Variants in PROS1 observed in about 807,000 individuals in gnomAD.
The protein encoded by PROS1 is vitamin K-dependent protein S.
A neutral mutation model predicts 75.9 loss-of-function variants in PROS1; 29 were observed. That is an observed-to-expected ratio of 0.38 (90% CI 0.28 to 0.52). PROS1 has a LOEUF of 0.52. Among genes scored for constraint, PROS1 ranks in the 20% least tolerant of loss-of-function variants. The probability of loss-of-function intolerance (pLI) is 0.83; values close to 1 mark genes in which losing one functional copy is unlikely to be tolerated. For synonymous variants in PROS1, 245 were observed against 280.6 expected (o/e 0.87, Z 1.27); for missense variants, 680 against 810.3 (o/e 0.84, Z 1.95).
chr3:93,877,782 C>T (rs977117291), intron 13 of PROS1, among the ~76,000 whole-genome samples: 4 of 152,158 alleles, frequency 2.6e-5, no homozygotes, highest in East Asian at 1.9e-4. Flanking sequence ...TTCAAACTGC[C>T]GTTATGCCTA....
At chr3:93,887,395 G>A (rs1708365512) in intron 10 of PROS1, among the ~76,000 whole-genome samples, 1 of 152,126 alleles carries the variant, frequency 6.6e-6, no homozygotes. Context: ...AAGGTTTCAA[G>A]TAAGGGTAAA....
intron 1 of PROS1, among the ~76,000 whole-genome samples, chr3:93,927,937 ATG>A (rs1253567965): frequency 7.3e-6 from 1 of 136,514 alleles, no homozygotes; most frequent in Non-Finnish European, 1.6e-5. Flanking sequence ...GTATATATAT[ATG>A]TATATATATA....
chr3:93,945,810 G>T (rs151312155), intron 1 of PROS1, among the ~76,000 whole-genome samples: 1 of 152,148 alleles, frequency 6.6e-6, no homozygotes, highest in African/African-American at 2.4e-5. Flanking sequence ...TCTGGCCTGG[G>T]CAATTGGGCA....
intron 1 of PROS1, among the ~76,000 whole-genome samples, chr3:93,936,693 G>A (rs1482628693): frequency 1.3e-5 from 2 of 152,156 alleles, no homozygotes; most frequent in East Asian, 1.9e-4. Flanking sequence ...TTTAAGCCAT[G>A]AACTCTGTGT....
chr3:93,914,858 T>A (rs1322924663), intron 3 of PROS1, among the ~76,000 whole-genome samples: 1 of 152,200 alleles, frequency 6.6e-6, no homozygotes, highest in Non-Finnish European at 1.5e-5. Flanking sequence ...CCAAAGTCCA[T>A]TGTATTATTC....
chr3:93,950,167 G>A (rs568744250), intron 1 of PROS1, among the ~76,000 whole-genome samples: 1 of 152,262 alleles, frequency 6.6e-6, no homozygotes, highest in East Asian at 1.9e-4. Flanking sequence ...GCTTGAGTAG[G>A]TAAACAAAGC....
chr3:93,896,817 T>G, intron 8 of PROS1, 126 bp from the exon 9 acceptor site: 1 of 681,164 alleles, frequency 1.5e-6, no homozygotes, highest in Non-Finnish European at 2.6e-6. Flanking sequence ...ACTAAAATAA[T>G]TAAGAATATT....
Position 93,973,731 on chromosome 3 carries a change from G to T in PROS1, c.19C>A (p.Arg7Ser), listed in dbSNP as rs1219702552. The T allele has an allele frequency of 3.7e-6, 6 of 1,613,618 alleles. No individual in the cohort carries two copies. In the South Asian group the frequency reaches 5.5e-5, roughly 15 times the overall value. Residue 7 changes from arginine (R) to serine (S), a missense_variant, in exon 1 of 15, where the codon CGC (arginine) becomes AGC (serine). By Grantham distance (110) the Arg-to-Ser change is moderately radical (BLOSUM62 -1). Coordinates refer to ENST00000394236, the MANE Select transcript of PROS1 (RefSeq NM_000313.4). MRVLGG[R>S]CGALLACLLL... ...AGACACGCCAGCAGCGCCCCGCAGC[G>T]CCCACCCAGGACCCTCATTTCGAAG... is the stretch of plus-strand genomic sequence containing the variant.
At chr3:93,882,624 T>A (rs1708288876) in intron 12 of PROS1, among the ~76,000 whole-genome samples, 1 of 152,088 alleles carries the variant, frequency 6.6e-6, no homozygotes, top group Non-Finnish European at 1.5e-5. Flanking sequence ...ATAATTTAGG[T>A]AAAGATTTAA....
intron 1 of PROS1, among the ~76,000 whole-genome samples, chr3:93,949,282 C>T (rs1341423736): frequency 1.3e-5 from 2 of 152,204 alleles, no homozygotes; most frequent in African/African-American, 2.4e-5. Context: ...CATAGGTTCA[C>T]TTCTGTCATT....
At chr3:93,971,387 ATAAATAAATAAATAATTC>A (rs984180009) in intron 1 of PROS1, among the ~76,000 whole-genome samples, 19 of 149,320 alleles carry the variant, frequency 1.3e-4, no homozygotes, top group South Asian at 2.1e-4. Context: ...AAATAAATAA[ATAAATAAATAAATAATTC>A]TAAATAAAGA....
At position 93,900,943 on chromosome 3, in the gene PROS1, C is replaced by T; in HGVS notation, c.602-14G>A. 6.2e-7 allele frequency: 1 copy of T among 1,612,130 alleles called. No individual in the cohort carries two copies. ...ATTCATCCACATCTATAAATAAAAT[C>T]ACTATATTAAAAAACATTTTTCCCA... On this transcript the variant is annotated splice_polypyrimidine_tract_variant and intron_variant, in intron 6 of 14. Transcript: ENST00000394236.
At chr3:93,959,442 C>T (rs1485084310) in intron 1 of PROS1, among the ~76,000 whole-genome samples, 2 of 152,204 alleles carry the variant, frequency 1.3e-5, no homozygotes, top group Non-Finnish European at 2.9e-5. Flanking sequence ...CCACAAGCTG[C>T]ATTCTCTTGC....
intron 4 of PROS1, among the ~76,000 whole-genome samples, 157 bp from the exon 5 acceptor site, chr3:93,906,300 C>G (rs575044096): frequency 1.3e-5 from 2 of 152,064 alleles, no homozygotes; most frequent in Non-Finnish European, 2.9e-5. Flanking sequence ...AAAAAGTGAG[C>G]CTATTAGGCA....
intron 1 of PROS1, among the ~76,000 whole-genome samples, chr3:93,945,816 G>A (rs911433823): frequency 6.0e-4 from 92 of 152,132 alleles, no homozygotes; most frequent in Admixed American, 3.4e-3. Flanking sequence ...CTGGGCAATT[G>A]GGCAGGAGAA....
chr3:93,888,193 A>G (rs1468388624), intron 10 of PROS1, among the ~76,000 whole-genome samples: 1 of 152,184 alleles, frequency 6.6e-6, no homozygotes, highest in African/African-American at 2.4e-5. Context: ...TTTTGTTCAT[A>G]TCTTTACCAG....
At chr3:93,924,906 C>T (rs1483790494) in intron 2 of PROS1, among the ~76,000 whole-genome samples, 3 of 151,954 alleles carry the variant, frequency 2.0e-5, no homozygotes, top group East Asian at 1.9e-4. Context: ...TGGGCTCAAG[C>T]GATCCTCCCA....
chr3:93,883,594 A>C (rs1299230598), intron 12 of PROS1, among the ~76,000 whole-genome samples: 1 of 150,958 alleles, frequency 6.6e-6, no homozygotes, highest in East Asian at 2.0e-4. Flanking sequence ...ACTCAGTCTC[A>C]AAAAAAAAGA....
At chr3:93,942,986 G>A (rs912070246) in intron 1 of PROS1, among the ~76,000 whole-genome samples, 1 of 152,102 alleles carries the variant, frequency 6.6e-6, no homozygotes, top group African/African-American at 2.4e-5. Flanking sequence ...ATGGGTAAAG[G>A]CCTTTCCCTC....
Sources: gnomAD v4.1 joint callset for allele counts (sites outside exome capture counted in the v4.1 genomes callset) on GRCh38, gnomAD v4.1.1 for gene constraint, MANE v1.5 for transcripts, NCBI Gene and HGNC (gene_info 2026-07-23, HGNC 2026-07-21) for gene names.